The following FAM184A variants were observed in gnomAD, a reference collection of about 807,000 sequenced individuals.
The protein encoded by FAM184A is protein FAM184A.
In FAM184A, 99 loss-of-function variants were observed where a neutral mutation model predicts 143.8. That is an observed-to-expected ratio of 0.69 (90% CI 0.58 to 0.81). The LOEUF (loss-of-function observed/expected upper bound fraction) is 0.81, where lower values mean the gene tolerates loss of function less well. Ranked by LOEUF, FAM184A falls within the 40% of genes least tolerant of loss-of-function variation. FAM184A has a pLI of 0.00. For synonymous variants in FAM184A, 427 were observed against 446.4 expected, an observed-to-expected ratio of 0.96 and a Z score of 0.55; for missense variants, 1,217 against 1,310.5, an observed-to-expected ratio of 0.93 and a Z score of 1.10.
intron 1 of FAM184A, among the ~76,000 whole-genome samples, chr6:119,086,287 G>A (rs947808404): frequency 2.6e-5 from 4 of 152,188 alleles, no homozygotes; most frequent in African/African-American, 9.7e-5. Context: ...TGACTAAAAA[G>A]TAGTCTCTTC....
At chr6:118,992,874 G>A (rs1784422849) in intron 9 of FAM184A, among the ~76,000 whole-genome samples, 1 of 152,148 alleles carries the variant, frequency 6.6e-6, no homozygotes, top group Non-Finnish European at 1.5e-5. Context: ...AGACCACACT[G>A]AGCCATGACT....
At chr6:118,963,906 G>A (rs976882129) in intron 16 of FAM184A, 5 of 152,208 alleles carry the variant, frequency 3.3e-5, no homozygotes, top group African/African-American at 1.2e-4. Flanking sequence ...CCCAAAACAT[G>A]ATTGGAGCCA....
intron 1 of FAM184A, among the ~76,000 whole-genome samples, chr6:119,117,522 G>A (rs1161111310): frequency 6.6e-6 from 1 of 152,168 alleles, no homozygotes; most frequent in Non-Finnish European, 1.5e-5. Context: ...TGGTCACCTT[G>A]AGAGGCTATA....
At chr6:119,145,636 G>C (rs947533712) in intron 1 of FAM184A, among the ~76,000 whole-genome samples, 5 of 152,090 alleles carry the variant, frequency 3.3e-5, no homozygotes, top group African/African-American at 9.7e-5. Flanking sequence ...ATCTTTTAAG[G>C]CATCCATCCT....
intron 9 of FAM184A, among the ~76,000 whole-genome samples, chr6:118,995,286 A>T (rs1166490990): frequency 6.6e-6 from 1 of 151,962 alleles, no homozygotes; most frequent in African/African-American, 2.4e-5. Context: ...GTGTGGTGAT[A>T]CCTGCCTGTA....
chr6:119,116,876 C>T (rs777156870), intron 1 of FAM184A, among the ~76,000 whole-genome samples: 14 of 152,154 alleles, frequency 9.2e-5, no homozygotes, highest in South Asian at 2.1e-4. Flanking sequence ...GAGTAAGGGG[C>T]ATCTGGAGAG....
chr6:118,967,029 G>T, intron 14 of FAM184A, 77 bp from the exon 15 acceptor site: 1 of 682,744 alleles, frequency 1.5e-6, no homozygotes, highest in Non-Finnish European at 2.4e-6. Flanking sequence ...AAAAAAATTA[G>T]TCTAGTTGAA....
intron 4 of FAM184A, among the ~76,000 whole-genome samples, chr6:119,019,393 T>C (rs1244177673): frequency 6.6e-6 from 1 of 152,054 alleles, no homozygotes; most frequent in Non-Finnish European, 1.5e-5. Flanking sequence ...AAGGAATGAA[T>C]GGAAGTAAGT....
At chr6:119,032,030 G>A (rs905208410) in intron 1 of FAM184A, among the ~76,000 whole-genome samples, 23 of 152,204 alleles carry the variant, frequency 1.5e-4, no homozygotes, top group East Asian at 1.9e-4. Flanking sequence ...CCAGCACTTC[G>A]GGAGGCCTAG....
upstream of FAM184A, chr6:119,078,765 A>T (rs951726278): frequency 2.0e-5 from 3 of 152,562 alleles, no homozygotes; most frequent in African/African-American, 4.8e-5. The surrounding 1 kb of genome is among the most constrained non-coding windows in gnomAD (Gnocchi z 5.5). Flanking sequence ...GGGGACGGCG[A>T]CGTCATTTCC....
intron 15 of FAM184A, among the ~76,000 whole-genome samples, chr6:118,966,454 T>G (rs1433423315): frequency 6.6e-6 from 1 of 152,190 alleles, no homozygotes; most frequent in African/African-American, 2.4e-5. Flanking sequence ...CCTGTTAGTG[T>G]ACAATACAGG....
chr6:119,106,144 G>C (rs889998987), intron 1 of FAM184A, among the ~76,000 whole-genome samples: 3 of 152,170 alleles, frequency 2.0e-5, no homozygotes, highest in African/African-American at 7.2e-5. Flanking sequence ...TGTAATCCCA[G>C]CATTTTGGGA....
intron 9 of FAM184A, among the ~76,000 whole-genome samples, chr6:118,995,538 A>G (rs190811125): frequency 1.9e-4 from 29 of 152,370 alleles, no homozygotes; most frequent in African/African-American, 6.5e-4. Flanking sequence ...TCTAGAGGAA[A>G]GCAACAAATT....
chr6:119,118,785 C>A (rs1273295715), intron 1 of FAM184A, among the ~76,000 whole-genome samples: 1 of 151,866 alleles, frequency 6.6e-6, no homozygotes, highest in African/African-American at 2.4e-5. Flanking sequence ...GCATATGTGT[C>A]TGAACAATAT....
At chr6:119,127,085 GA>G (rs1789388323) in intron 1 of FAM184A, among the ~76,000 whole-genome samples, 1 of 152,154 alleles carries the variant, frequency 6.6e-6, no homozygotes, top group African/African-American at 2.4e-5. Flanking sequence ...GGTGGTTTTG[GA>G]AAAAGGCAAC....
At chr6:118,993,248 T>G (rs957715840) in intron 9 of FAM184A, among the ~76,000 whole-genome samples, 7 of 152,192 alleles carry the variant, frequency 4.6e-5, no homozygotes, top group African/African-American at 1.7e-4. Flanking sequence ...CATAGTGAGT[T>G]TACTGAATGT....
At chr6:119,029,525 T>A (rs899788484) in intron 1 of FAM184A, among the ~76,000 whole-genome samples, 1 of 152,098 alleles carries the variant, frequency 6.6e-6, no homozygotes, top group Admixed American at 6.6e-5. Context: ...TCAGTAAATA[T>A]ATAATTAAAT....
intron 1 of FAM184A, among the ~76,000 whole-genome samples, chr6:119,048,608 C>G (rs1786625429): frequency 6.6e-6 from 1 of 152,104 alleles, no homozygotes; most frequent in South Asian, 2.1e-4. Flanking sequence ...AGAGACAAAC[C>G]AGGAAGGCAA....
chr6:119,032,409 C>A (rs1785908064), intron 1 of FAM184A, among the ~76,000 whole-genome samples: 1 of 147,698 alleles, frequency 6.8e-6, no homozygotes, highest in African/African-American at 2.5e-5. Context: ...CAGTGACTGC[C>A]AGTCTCAGTC....
Sources: gnomAD v4.1 joint callset for allele counts (sites outside exome capture counted in the v4.1 genomes callset) on GRCh38, gnomAD v4.1.1 for gene constraint, Gnocchi (gnomAD v3.1) non-coding constraint, MANE v1.5 for transcripts, NCBI Gene and HGNC (gene_info 2026-07-23, HGNC 2026-07-21) for gene names.